The following KCNC1 variants were observed in gnomAD, a reference collection of about 807,000 sequenced individuals.
KCNC1 encodes potassium voltage-gated channel subfamily C member 1, also known as voltage-gated potassium channel KCNC1.
Under a neutral mutation model 43.4 loss-of-function variants are expected in KCNC1, and 8 were observed. The ratio of observed to expected loss-of-function variants is 0.18; its 90% CI spans 0.11 to 0.33. The LOEUF is 0.33. KCNC1 is among the 10% of genes least tolerant of loss of function. The probability of loss-of-function intolerance (pLI) is 1.00; values close to 1 mark genes in which losing one functional copy is unlikely to be tolerated. For synonymous variants in KCNC1, 361 were observed against 360.5 expected, an observed-to-expected ratio of 1.00 and a Z score of -0.01; for missense variants, 420 against 836.0, an observed-to-expected ratio of 0.50 and a Z score of 6.14.
At chr11:17,759,583 AC>A (rs1849055375) in intron 1 of KCNC1, among the ~76,000 whole-genome samples, 1 of 152,096 alleles carries the variant, frequency 6.6e-6, no homozygotes, top group Non-Finnish European at 1.5e-5. Flanking sequence ...TCTTCCTTTC[AC>A]TAGACCACCT....
chr11:17,779,357 A>C lies in KCNC1; in HGVS notation c.1505-99A>C. The C allele has an allele frequency of 2.0e-6, 2 of 1,013,242 alleles. No individual in the cohort carries two copies. The highest frequency in any genetic ancestry group is 2.7e-6 in the Non-Finnish European group (2 of 727,884). The allele number at this position is 1,013,242 out of a possible 1,614,324, so 62.8% of individuals were successfully genotyped here. ...CGCTTTTCCGTCCTCAGGGACGCTC[A>C]AGCTGCCCTCTGCCAATACCCCGCT... is the stretch of plus-strand genomic sequence containing the variant. On this transcript the variant is annotated intron_variant, in intron 2 of 3. Coordinates refer to ENST00000265969, the MANE Select transcript of KCNC1 (RefSeq NM_001112741.2). This position sits in a 1 kb window ranked among gnomAD's most constrained non-coding sequence, Gnocchi z 7.2.
intron 1 of KCNC1, among the ~76,000 whole-genome samples, chr11:17,755,387 G>A (rs1449277418): frequency 6.6e-6 from 1 of 152,158 alleles, no homozygotes; most frequent in Non-Finnish European, 1.5e-5. Flanking sequence ...TTTAAAAGCT[G>A]TGTTGAAAAC....
chr11:17,776,546 G>A lies in KCNC1; in HGVS notation c.1505-2910G>A, dbSNP rs911829248. On this transcript the variant is annotated intron_variant, in intron 2 of 3. Transcript: ENST00000265969. This position sits in a 1 kb window ranked among gnomAD's most constrained non-coding sequence, Gnocchi z 4.4. Reference sequence around the variant, plus strand: ...AAGTTTAAAAAAAAATGACCCTCTCGCAGATGCTCATCTCAGCCCATTTCA... The same window carrying A: ...AAGTTTAAAAAAAAATGACCCTCTCACAGATGCTCATCTCAGCCCATTTCA... The A allele has an allele frequency of 1.7e-5, 17 of 985,314 alleles. No homozygotes were observed. Among genetic ancestry groups the A allele is most frequent in the African/African-American group, 1.4e-4 (8 of 57,238 alleles). The allele number at this position is 985,314 out of a possible 1,614,324, so 61.0% of individuals were successfully genotyped here.
At position 17,771,657 on chromosome 11, in the gene KCNC1, C is replaced by T. The variant is rs1251278051; in HGVS notation, c.571-8C>T. 1 of 1,598,224 alleles carries T rather than the reference C, an allele frequency of 6.3e-7. No individual in the cohort carries two copies. Among genetic ancestry groups the T allele is most frequent in the Non-Finnish European group, 8.6e-7 (1 of 1,168,268 alleles). ...CCTCCCTCTGACACTGTGTCTTTATCCCCACAGTATGTGGCCTTCGCTTCC... is the reference window on the plus strand; with the variant it reads ...CCTCCCTCTGACACTGTGTCTTTATTCCCACAGTATGTGGCCTTCGCTTCC... On this transcript the variant is annotated splice_polypyrimidine_tract_variant and splice_region_variant and intron_variant, in intron 1 of 3. Coordinates refer to ENST00000265969, the MANE Select transcript of KCNC1 (RefSeq NM_001112741.2). The surrounding 1 kb of genome is among the most constrained non-coding windows in gnomAD (Gnocchi z 4.7).
At position 17,736,632 on chromosome 11, in the gene KCNC1, C is replaced by T. The variant is rs911736256; in HGVS notation, c.570+60C>T. On this transcript the variant is annotated intron_variant, in intron 1 of 3. Transcript: ENST00000265969. The surrounding 1 kb of genome is among the most constrained non-coding windows in gnomAD (Gnocchi z 9.3). ...GGGAAGGCAGCGTCCTGTGCCTCCC[C>T]GCGGGCAGGGGTGGACCGGAGAACT... is the stretch of plus-strand genomic sequence containing the variant. 2.8e-6 allele frequency: 4 copies of T among 1,446,604 alleles called. No homozygotes were observed. In the East Asian group the frequency reaches 1.0e-4, roughly 36 times the overall value. The allele number at this position is 1,446,604 out of a possible 1,614,324, so 89.6% of individuals were successfully genotyped here.
At chr11:17,768,279 G>GCACT (rs1849177226) in intron 1 of KCNC1, among the ~76,000 whole-genome samples, 1 of 152,170 alleles carries the variant, frequency 6.6e-6, no homozygotes, top group African/African-American at 2.4e-5. Flanking sequence ...ACTGGCAGGA[G>GCACT]CACTCTCCAG....
chr11:17,741,338 A>T (rs1281134888), intron 1 of KCNC1, among the ~76,000 whole-genome samples: 1 of 151,986 alleles, frequency 6.6e-6, no homozygotes, highest in Admixed American at 6.6e-5. Context: ...TGGTGTGAAG[A>T]TAACTGAGGT....
intron 1 of KCNC1, among the ~76,000 whole-genome samples, chr11:17,750,285 G>T (rs865977787): frequency 6.6e-6 from 1 of 152,194 alleles, no homozygotes; most frequent in African/African-American, 2.4e-5. Context: ...ATTTTCCTGG[G>T]TATAAGGAGG....
rs772649650 is a variant in KCNC1 at position 17,777,503 on chromosome 11, G to A, written c.1505-1953G>A. Reference sequence around the variant, plus strand: ...TCCCAACACCCTCCTCCCTCAGCCCGGAGACCCTTGGATGGAAGACTGGGC... The same window carrying A: ...TCCCAACACCCTCCTCCCTCAGCCCAGAGACCCTTGGATGGAAGACTGGGC... On this transcript the variant is annotated intron_variant, in intron 2 of 3. Transcript: ENST00000265969. The surrounding 1 kb of genome is among the most constrained non-coding windows in gnomAD (Gnocchi z 4.3). The A allele has an allele frequency of 1.7e-5, 17 of 985,840 alleles. No homozygotes were observed. The highest frequency in any genetic ancestry group is 1.1e-4 in the East Asian group (1 of 8,802). The allele number at this position is 985,840 out of a possible 1,614,324, so 61.1% of individuals were successfully genotyped here. A position where few individuals can be genotyped will look rare whatever the true frequency, so the allele number is the denominator to read the frequency against.
chr11:17,749,395 C>T (rs985952869), intron 1 of KCNC1, among the ~76,000 whole-genome samples: 4 of 152,238 alleles, frequency 2.6e-5, no homozygotes, highest in East Asian at 1.9e-4. Context: ...ACCTGACAAG[C>T]GGGCTACCAT....
chr11:17,781,358 C>T lies in KCNC1; in HGVS notation c.1694-312C>T, dbSNP rs923183892. 15 of 332,672 alleles carry T rather than the reference C, an allele frequency of 4.5e-5. No individual in the cohort carries two copies. Among genetic ancestry groups the T allele is most frequent in the South Asian group, 9.8e-5 (2 of 20,366 alleles). 20.6% of individuals were successfully genotyped at this position (332,672 alleles called of 1,614,324 possible). On this transcript the variant is annotated intron_variant, in intron 3 of 3. Transcript: ENST00000265969. This position sits in a 1 kb window ranked among gnomAD's most constrained non-coding sequence, Gnocchi z 5.1. ...TCCCCACCTACATCCATTCGGCCCG[C>T]GCTCTCATGGAGCCACGACAGCCGC...
intron 1 of KCNC1, among the ~76,000 whole-genome samples, chr11:17,757,401 C>T (rs1849034639): frequency 6.6e-6 from 1 of 152,114 alleles, no homozygotes; most frequent in Non-Finnish European, 1.5e-5. Context: ...CAGGTGTCTT[C>T]TGATGACCCC....
At position 17,782,889 on chromosome 11, in the gene KCNC1, GGAT is replaced by G. The variant is rs1849362720; in HGVS notation, c.*1159_*1161del. The G allele has an allele frequency of 6.6e-6, 1 of 151,860 alleles. No individual in the cohort carries two copies. Among genetic ancestry groups the G allele is most frequent in the Admixed American group, 6.6e-5 (1 of 15,226 alleles). The allele number at this position is 151,860 out of a possible 1,614,324, so 9.4% of individuals were successfully genotyped here. On this transcript the variant is annotated 3_prime_UTR_variant, in exon 4 of 4. Transcript: ENST00000265969. ...CTAAAATTAGTGGGGTGGGGGGGAA[GGAT>G]GATATTTTTGAAAAACACATGCTTG...
At position 17,781,555 on chromosome 11, in the gene KCNC1, T is replaced by C. The variant is rs1283082612; in HGVS notation, c.1694-115T>C. ...CAAGCCAGCTGGAGAAGAATCTGCC[T>C]GCCTCTGCATGCGGCTGTTCTGTCT... On this transcript the variant is annotated intron_variant, in intron 3 of 3. Transcript: ENST00000265969. This position sits in a 1 kb window ranked among gnomAD's most constrained non-coding sequence, Gnocchi z 5.1. 13 of 732,168 alleles carry C rather than the reference T, an allele frequency of 1.8e-5. No homozygotes were observed. The highest frequency in any genetic ancestry group is 1.8e-4 in the South Asian group (10 of 56,734). 45.4% of individuals were successfully genotyped at this position (732,168 alleles called of 1,614,324 possible).
chr11:17,768,622 G>GA (rs1491463665), intron 1 of KCNC1, among the ~76,000 whole-genome samples: 11 of 150,850 alleles, frequency 7.3e-5, no homozygotes, highest in South Asian at 4.2e-4. Context: ...TGGGGGGGGG[G>GA]GCGGTTTGGG....
At chr11:17,743,267 C>T (rs939186778) in intron 1 of KCNC1, among the ~76,000 whole-genome samples, 5 of 152,182 alleles carry the variant, frequency 3.3e-5, no homozygotes, top group South Asian at 2.1e-4. Flanking sequence ...GTCTGTCTGA[C>T]GCTGGAGCTC....
chr11:17,757,595 C>G (rs1409729744), intron 1 of KCNC1, among the ~76,000 whole-genome samples: 4 of 152,180 alleles, frequency 2.6e-5, no homozygotes, highest in Non-Finnish European at 4.4e-5. Flanking sequence ...TGAACTGCCC[C>G]CTTGAGAGGC....
In KCNC1 at chr11:17,779,745, G is replaced by A. The variant is rs1388587254; in HGVS notation, c.1693+101G>A. ...GGGCAAGGGCGCTGAGGGGCAGGCA[G>A]GCACACCGAGGGGGGCAAGGATGGA... On this transcript the variant is annotated intron_variant, in intron 3 of 3. Transcript: ENST00000265969. The surrounding 1 kb of genome is among the most constrained non-coding windows in gnomAD (Gnocchi z 7.2). The A allele has an allele frequency of 3.2e-6, 3 of 950,238 alleles. No homozygotes were observed. In the Admixed American group the frequency reaches 1.1e-4, roughly 34 times the overall value. 58.9% of individuals were successfully genotyped at this position (950,238 alleles called of 1,614,324 possible).
chr11:17,781,519 C>G lies in KCNC1; in HGVS notation c.1694-151C>G. The G allele has an allele frequency of 1.6e-6, 1 of 636,306 alleles. No homozygotes were observed. Among genetic ancestry groups the G allele is most frequent in the Non-Finnish European group, 2.8e-6 (1 of 352,876 alleles). 39.4% of individuals were successfully genotyped at this position (636,306 alleles called of 1,614,324 possible). A position where few individuals can be genotyped will look rare whatever the true frequency, so the allele number is the denominator to read the frequency against. ...AGAGGCGTGCTAGGCTGGCTCAGTG[C>G]ATGGGCAAACCAAGCCAGCTGGAGA... is the stretch of plus-strand genomic sequence containing the variant. On this transcript the variant is annotated intron_variant, in intron 3 of 3. Transcript: ENST00000265969. This position sits in a 1 kb window ranked among gnomAD's most constrained non-coding sequence, Gnocchi z 5.1.
Sources: allele counts gnomAD v4.1 joint callset (sites outside exome capture counted in the v4.1 genomes callset), GRCh38; gene constraint gnomAD v4.1.1; non-coding constraint Gnocchi (gnomAD v3.1); transcripts MANE v1.5; gene names NCBI Gene and HGNC (gene_info 2026-07-23, HGNC 2026-07-21).